SNX18: variants seen among roughly 807,000 people sequenced by gnomAD.
The protein encoded by SNX18 is sorting nexin 18, also known as sorting nexin-18.
In SNX18, 35 loss-of-function variants were observed where a neutral mutation model predicts 48.7. The observed-to-expected ratio is 0.72, with a 90% CI of 0.55 to 0.95. The LOEUF is 0.95. SNX18 is among the 40% of genes least tolerant of loss of function. The probability of loss-of-function intolerance (pLI) is 0.00; values close to 1 mark genes in which losing one functional copy is unlikely to be tolerated. For missense variants in SNX18, 824 were observed against 871.0 expected (o/e 0.95, Z 0.68); for synonymous variants, 492 against 384.7 (o/e 1.28, Z -3.26).
At chr5:54,562,722 T>A in the SNX18 span, among the ~76,000 whole-genome samples, 1 of 152,190 alleles carries the variant, frequency 6.6e-6, no homozygotes, top group African/African-American at 2.4e-5. Flanking sequence ...GTACTATACG[T>A]TTTATGGTTA....
At chr5:54,626,752 C>CTAAGG in the SNX18 span, among the ~76,000 whole-genome samples, 16 of 152,224 alleles carry the variant, frequency 1.1e-4, no homozygotes, top group African/African-American at 3.9e-4. Flanking sequence ...ACAAATAATT[C>CTAAGG]TCCAGTCCAA....
chr5:54,638,553 G>T, the SNX18 span, among the ~76,000 whole-genome samples: 4 of 152,078 alleles, frequency 2.6e-5, no homozygotes, highest in Non-Finnish European at 5.9e-5. Flanking sequence ...TATCTTCTTT[G>T]TTGTTTGTTT....
the SNX18 span, among the ~76,000 whole-genome samples, chr5:54,622,332 C>G: frequency 1.3e-5 from 2 of 152,066 alleles, no homozygotes; most frequent in African/African-American, 4.8e-5. Context: ...AATCCCATCT[C>G]TACAAAAAAT....
downstream of SNX18, among the ~76,000 whole-genome samples, chr5:54,548,813 C>T (rs1762612197): frequency 6.6e-6 from 1 of 152,134 alleles, no homozygotes; most frequent in Non-Finnish European, 1.5e-5. Context: ...GCAGTCATCC[C>T]TCAGTATCTG....
intron 1 of SNX18, among the ~76,000 whole-genome samples, chr5:54,534,914 T>C (rs1421153788): frequency 2.0e-5 from 3 of 152,200 alleles, no homozygotes; most frequent in Non-Finnish European, 4.4e-5. Flanking sequence ...AAAATTGGCA[T>C]TGAAATCCTA....
chr5:54,625,768 T>C, the SNX18 span, among the ~76,000 whole-genome samples: 1 of 152,132 alleles, frequency 6.6e-6, no homozygotes. Context: ...ACTGCAGTCA[T>C]TGGCTCATGG....
chr5:54,641,255 ATTG>A, the SNX18 span, among the ~76,000 whole-genome samples: 9 of 152,226 alleles, frequency 5.9e-5, no homozygotes, highest in Admixed American at 2.6e-4. Flanking sequence ...CTGCTTCAGT[ATTG>A]TTGTCATATC....
At chr5:54,565,354 G>A in the SNX18 span, among the ~76,000 whole-genome samples, 2 of 152,088 alleles carry the variant, frequency 1.3e-5, no homozygotes, top group Non-Finnish European at 2.9e-5. Flanking sequence ...CAGGAGAATT[G>A]CTTGAGGCCA....
rs534002453 is a variant in SNX18, at chr5:54,523,577, A to C, written c.1621+4004A>C. ...TGATTTGTCGATTTGGGCTGTGTGA[A>C]GCAGGGAGGCAGGACTAGATAAGTA... On this transcript the variant is annotated intron_variant, in intron 1 of 1. Transcript: ENST00000381410. Among the ~76,000 whole-genome samples, 10 of 152,306 alleles carry C rather than the reference A, an allele frequency of 6.6e-5. 1 individual carries two copies. The South Asian group carries it at 2.1e-3, about 32-fold the overall frequency.
chr5:54,607,892 C>T, the SNX18 span, among the ~76,000 whole-genome samples: 1 of 152,236 alleles, frequency 6.6e-6, no homozygotes, highest in African/African-American at 2.4e-5. Flanking sequence ...CAAGATCATG[C>T]CACTGCACTC....
At chr5:54,600,544 C>T in the SNX18 span, among the ~76,000 whole-genome samples, 1 of 152,206 alleles carries the variant, frequency 6.6e-6, no homozygotes, top group Non-Finnish European at 1.5e-5. Context: ...TTCATTGCAG[C>T]ACTATTCAGA....
chr5:54,517,795 C>G lies in SNX18; in HGVS notation c.-158C>G, dbSNP rs950532718. 2 of 650,300 alleles carry G rather than the reference C, an allele frequency of 3.1e-6. No homozygotes were observed. Among genetic ancestry groups the G allele is most frequent in the Admixed American group, 4.6e-5 (1 of 21,940 alleles). The allele number at this position is 650,300 out of a possible 1,614,324, so 40.3% of individuals were successfully genotyped here. On this transcript the variant is annotated 5_prime_UTR_variant, in exon 1 of 2. Transcript: ENST00000381410. ...CGAAGTGGAGGCGCTGCGAGCGGAG[C>G]CGCGCGGAGGGCGCGACCGGCTGGT...
At chr5:54,524,127 G>A (rs1762083048) in intron 1 of SNX18, among the ~76,000 whole-genome samples, 2 of 152,216 alleles carry the variant, frequency 1.3e-5, no homozygotes, top group Non-Finnish European at 2.9e-5. Context: ...AAAGAGAACA[G>A]GTCTGGGGCT....
chr5:54,624,633 C>A, the SNX18 span, among the ~76,000 whole-genome samples: 44 of 152,338 alleles, frequency 2.9e-4, no homozygotes, highest in East Asian at 5.6e-3. Context: ...TTGAACTGCA[C>A]ATTCATGATA....
At chr5:54,631,060 A>C in the SNX18 span, among the ~76,000 whole-genome samples, 4 of 152,174 alleles carry the variant, frequency 2.6e-5, no homozygotes, top group African/African-American at 9.7e-5. Context: ...CAACCATAAC[A>C]ACCCATGTCC....
the SNX18 span, among the ~76,000 whole-genome samples, chr5:54,631,199 A>C: frequency 6.6e-6 from 1 of 152,194 alleles, no homozygotes; most frequent in Non-Finnish European, 1.5e-5. Flanking sequence ...CAAAACTAAC[A>C]GCCGGACTTC....
Position 54,518,357 on chromosome 5 carries a change from G to C in SNX18, c.405G>C (p.Pro135=). ...GFPYGGGALQ[P]SPQQLYGGYQ... ...CGTACGGCGGGGGCGCCCTGCAGCCGTCGCCTCAGCAGCTCTACGGCGGCT... is the reference window on the plus strand; with the variant it reads ...CGTACGGCGGGGGCGCCCTGCAGCCCTCGCCTCAGCAGCTCTACGGCGGCT... The change falls in exon 1 of 2, where the codon CCG becomes CCC. Residue 135 remains proline (P), a synonymous_variant. Transcript: ENST00000381410. The C allele has an allele frequency of 6.5e-7, 1 of 1,540,726 alleles. No individual in the cohort carries two copies. Among genetic ancestry groups the C allele is most frequent in the Non-Finnish European group, 8.7e-7 (1 of 1,146,092 alleles).
chr5:54,643,520 T>A, the SNX18 span: 216 of 152,354 alleles, frequency 1.4e-3, no homozygotes, highest in African/African-American at 5.0e-3. Context: ...CGACTTTTGG[T>A]TAGTTTATAT....
At chr5:54,644,359 T>C in the SNX18 span, 1 of 152,260 alleles carries the variant, frequency 6.6e-6, no homozygotes, top group African/African-American at 2.4e-5. Context: ...ATGTTTCGCA[T>C]GGACCTTAAC....
Sources: allele counts gnomAD v4.1 joint callset (sites outside exome capture counted in the v4.1 genomes callset), GRCh38; gene constraint gnomAD v4.1.1; transcripts MANE v1.5; gene names NCBI Gene and HGNC (gene_info 2026-07-23, HGNC 2026-07-21).